Variants in IL1RAPL1 observed in about 807,000 individuals in gnomAD.
IL1RAPL1 encodes interleukin 1 receptor accessory protein like 1, also known as interleukin-1 receptor accessory protein-like 1.
Under a neutral mutation model 48.4 loss-of-function variants are expected in IL1RAPL1, and 3 were observed. That is an observed-to-expected ratio of 0.06 (90% CI 0.03 to 0.16). IL1RAPL1 has a LOEUF of 0.16. Among genes scored for constraint, IL1RAPL1 ranks in the 10% least tolerant of loss-of-function variants. The pLI, the probability that IL1RAPL1 is intolerant of heterozygous loss-of-function variation, is 1.00. For synonymous variants in IL1RAPL1, 185 were observed against 187.7 expected, an observed-to-expected ratio of 0.99 and a Z score of 0.12; for missense variants, 349 against 530.6, an observed-to-expected ratio of 0.66 and a Z score of 3.36.
chrX:29,473,285 C>T (rs1433398694), intron 5 of IL1RAPL1, among the ~76,000 whole-genome samples: 2 of 111,713 alleles, frequency 1.8e-5, no homozygotes, highest in Non-Finnish European at 3.8e-5. Context: ...TCCAGCATGA[C>T]CTCATCTTAA....
Position 29,276,608 on chromosome X carries a change from A to G in IL1RAPL1, c.83-6330A>G, listed in dbSNP as rs181366685. ...TCACTAATTTATTCAACACACATTT[A>G]TTGATTGCCTATTGTGCCCCAAATA... On this transcript the variant is annotated intron_variant, in intron 2 of 10. Transcript: ENST00000378993. Among the ~76,000 whole-genome samples the G allele has an allele frequency of 3.6e-5, 4 of 112,384 alleles. No homozygotes were observed. In the East Asian group the frequency reaches 1.1e-3, roughly 31 times the overall value.
At chrX:28,910,052 A>C (rs191415201) in intron 2 of IL1RAPL1, among the ~76,000 whole-genome samples, 6 of 111,955 alleles carry the variant, frequency 5.4e-5, no homozygotes, top group African/African-American at 1.6e-4. Flanking sequence ...CTACAAGGAA[A>C]TATTCTTACT....
chrX:29,644,125 T>A (rs1417240014), intron 5 of IL1RAPL1, among the ~76,000 whole-genome samples: 2 of 112,163 alleles, frequency 1.8e-5, no homozygotes, highest in East Asian at 5.6e-4. Context: ...CCATTGCAAA[T>A]AAAGAAGACA....
intron 6 of IL1RAPL1, among the ~76,000 whole-genome samples, chrX:29,837,939 C>G (rs201646949): frequency 2.7e-5 from 3 of 111,985 alleles, no homozygotes; most frequent in Non-Finnish European, 5.6e-5. Flanking sequence ...GATGAAGTAC[C>G]TTTACATGAG....
chrX:28,676,906 A>G (rs1290468479), intron 1 of IL1RAPL1, among the ~76,000 whole-genome samples: 4 of 111,411 alleles, frequency 3.6e-5, no homozygotes, highest in African/African-American at 1.3e-4. Context: ...TTATTGTACC[A>G]ATTATATAAC....
intron 5 of IL1RAPL1, among the ~76,000 whole-genome samples, chrX:29,502,998 C>G (rs908704025): frequency 1.8e-5 from 2 of 111,329 alleles, no homozygotes; most frequent in Admixed American, 1.9e-4. Flanking sequence ...TTCACATTTT[C>G]TATTTCTTCA....
intron 2 of IL1RAPL1, among the ~76,000 whole-genome samples, chrX:28,811,638 A>G (rs770511943): frequency 4.5e-5 from 5 of 110,541 alleles, no homozygotes; most frequent in Admixed American, 9.7e-5. Flanking sequence ...TGAATAAGAT[A>G]CAATGATTAG....
rs1924762399 is a variant in IL1RAPL1, at chrX:29,631,082, A to G, written c.704-37348A>G. On this transcript the variant is annotated intron_variant, in intron 5 of 10. Coordinates refer to ENST00000378993, the MANE Select transcript of IL1RAPL1 (RefSeq NM_014271.4). ...TATAGTGATGGGTTAATACAAGTAA[A>G]TGGAAGCATTAGATTGTGATCTTTA... 3.6e-5 allele frequency among the ~76,000 whole-genome samples: 4 copies of G among 112,194 alleles called. No individual in the cohort carries two copies. The Admixed American group carries it at 3.8e-4, about 11-fold the overall frequency.
At chrX:29,194,245 A>G (rs1168628444) in intron 2 of IL1RAPL1, among the ~76,000 whole-genome samples, 1 of 112,836 alleles carries the variant, frequency 8.9e-6, no homozygotes, top group Non-Finnish European at 1.9e-5. Context: ...AGCCATGTAA[A>G]TGCTTTGTTT....
chrX:29,686,126 CTT>C (rs1032708261), intron 6 of IL1RAPL1, among the ~76,000 whole-genome samples: 3 of 111,423 alleles, frequency 2.7e-5, no homozygotes, highest in African/African-American at 9.8e-5. Context: ...GAGAAACTGA[CTT>C]TATTCTAGTC....
intron 3 of IL1RAPL1, among the ~76,000 whole-genome samples, chrX:29,356,562 G>A (rs1933305963): frequency 9.1e-6 from 1 of 109,869 alleles, no homozygotes; most frequent in Non-Finnish European, 1.9e-5. Context: ...ATGTATGTGT[G>A]ACACATACAC....
chrX:29,564,518 G>A, intron 5 of IL1RAPL1, among the ~76,000 whole-genome samples: 1 of 113,084 alleles, frequency 8.8e-6, no homozygotes, highest in East Asian at 2.8e-4. Flanking sequence ...CCAATCTTTT[G>A]TAACTTAAAA....
intron 6 of IL1RAPL1, among the ~76,000 whole-genome samples, chrX:29,824,893 C>T (rs1930700374): frequency 9.5e-6 from 1 of 104,839 alleles, no homozygotes; most frequent in Middle Eastern, 4.3e-3. Context: ...CAAACACAAT[C>T]ACCAGAACAT....
At chrX:29,528,386 G>T (rs757336140) in intron 5 of IL1RAPL1, among the ~76,000 whole-genome samples, 1 of 112,527 alleles carries the variant, frequency 8.9e-6, no homozygotes, top group Admixed American at 9.4e-5. Flanking sequence ...CGAAGTAAAA[G>T]AATGTTTTTC....
chrX:29,824,375 G>A (rs761518435), intron 6 of IL1RAPL1, among the ~76,000 whole-genome samples: 29 of 111,758 alleles, frequency 2.6e-4, no homozygotes, highest in Non-Finnish European at 5.1e-4. Context: ...GAGTCTGATC[G>A]GTAGTAGCGT....
chrX:29,144,501 G>T (rs56270908), intron 2 of IL1RAPL1, among the ~76,000 whole-genome samples: 27,627 of 101,863 alleles, frequency 0.27, 3,898 homozygotes, highest in African/African-American at 0.49. Context: ...TACTTGGGAG[G>T]CTGAGGCAGG....
At chrX:29,108,700 C>T (rs1252237565) in intron 2 of IL1RAPL1, among the ~76,000 whole-genome samples, 1 of 111,388 alleles carries the variant, frequency 9.0e-6, no homozygotes, top group Non-Finnish European at 1.9e-5. Flanking sequence ...CACGCCCAGC[C>T]TATACAATGA....
intron 2 of IL1RAPL1, among the ~76,000 whole-genome samples, chrX:29,161,764 G>C (rs760581105): frequency 8.9e-6 from 1 of 112,104 alleles, no homozygotes; most frequent in African/African-American, 3.2e-5. Flanking sequence ...TGGTGGGAGT[G>C]TAAATTAGTT....
intron 2 of IL1RAPL1, among the ~76,000 whole-genome samples, chrX:29,195,961 T>C (rs1159723567): frequency 8.9e-6 from 1 of 111,820 alleles, no homozygotes; most frequent in East Asian, 2.8e-4. Flanking sequence ...GATAGTAATA[T>C]GTCTAAACAA....
Sources: allele counts gnomAD v4.1 joint callset (sites outside exome capture counted in the v4.1 genomes callset), GRCh38; gene constraint gnomAD v4.1.1; transcripts MANE v1.5; gene names NCBI Gene and HGNC (gene_info 2026-07-23, HGNC 2026-07-21).